ARFGEF2: variants seen among roughly 807,000 people sequenced by gnomAD.
ARFGEF2 encodes the protein ARF guanine nucleotide exchange factor 2.
ARFGEF2 carries 74 observed loss-of-function variants against 219.9 expected under a neutral mutation model. The ratio of observed to expected loss-of-function variants is 0.34; its 90% confidence interval spans 0.28 to 0.41. ARFGEF2 has a LOEUF of 0.41. Ranked by LOEUF, ARFGEF2 falls within the 10% of genes least tolerant of loss-of-function variation. ARFGEF2 has a pLI of 1.00. For missense variants in ARFGEF2, 1,743 were observed against 2,218.3 expected, an observed-to-expected ratio of 0.79 and a Z score of 4.30; for synonymous variants, 733 against 799.2, an observed-to-expected ratio of 0.92 and a Z score of 1.40.
In ARFGEF2 at chr20:48,963,773, CCTTT is replaced by C. The variant is rs1004023961; in HGVS notation, c.839-56_839-53del. On this transcript the variant is annotated intron_variant, in intron 6 of 38. Coordinates refer to ENST00000371917, the MANE Select transcript of ARFGEF2 (RefSeq NM_006420.3). ...CCCCATAATCTCCTTTTCCTCTCTTCCTTTGTTTTTCCTGAAAATGCCCACGTGT... is the reference window on the plus strand; with the variant it reads ...CCCCATAATCTCCTTTTCCTCTCTTCGTTTTTCCTGAAAATGCCCACGTGT... 5.0e-5 allele frequency: 78 copies of C among 1,548,210 alleles called. No individual in the cohort carries two copies. The African/African-American group carries it at 7.9e-4, about 16-fold the overall frequency.
chr20:48,984,292 A>G (rs1178586027), intron 14 of ARFGEF2, among the ~76,000 whole-genome samples: 2 of 152,210 alleles, frequency 1.3e-5, no homozygotes, highest in Admixed American at 6.5e-5. Flanking sequence ...GAGGAGGGAA[A>G]GAACAAAAAG....
At chr20:48,922,158 G>GGA in intron 1 of ARFGEF2, 148 bp downstream of exon 1, 1 of 1,322,100 alleles carries the variant, frequency 7.6e-7, no homozygotes, top group Non-Finnish European at 1.0e-6. Flanking sequence ...TTATACCCCC[G>GGA]GAGGAAGTGT....
chr20:48,942,074 G>A, intron 3 of ARFGEF2, 87 bp downstream of exon 3: 1 of 1,544,226 alleles, frequency 6.5e-7, no homozygotes, highest in South Asian at 1.1e-5. Context: ...GGACCACGCT[G>A]GCACTCAGTG....
chr20:48,934,365 T>C (rs142350923), intron 1 of ARFGEF2, among the ~76,000 whole-genome samples: 74 of 152,286 alleles, frequency 4.9e-4, no homozygotes, highest in African/African-American at 1.3e-3. Flanking sequence ...TTTTAACTTC[T>C]GGGATACATG....
At chr20:48,945,202 G>A (rs2091018292) in intron 3 of ARFGEF2, among the ~76,000 whole-genome samples, 1 of 152,072 alleles carries the variant, frequency 6.6e-6, no homozygotes. Context: ...CAGGCTTAAG[G>A]CTTCAACATA....
At chr20:48,949,507 C>T (rs1568698261) in intron 3 of ARFGEF2, among the ~76,000 whole-genome samples, 1 of 152,208 alleles carries the variant, frequency 6.6e-6, no homozygotes, top group Non-Finnish European at 1.5e-5. Flanking sequence ...GGCCACACCC[C>T]TCACCTGGAG....
intron 38 of ARFGEF2, 23 bp from the exon 39 acceptor site, chr20:49,033,000 A>G (rs2091645845): frequency 6.2e-7 from 1 of 1,610,286 alleles, no homozygotes; most frequent in Non-Finnish European, 8.5e-7. Context: ...GTCTAATTTT[A>G]TCTGTTTCTC....
chr20:48,977,047 A>C (rs925845476), intron 14 of ARFGEF2, among the ~76,000 whole-genome samples: 2 of 151,730 alleles, frequency 1.3e-5, no homozygotes, highest in Non-Finnish European at 2.9e-5. Flanking sequence ...TTACATAGGT[A>C]TACATGTGCC....
At chr20:48,996,741 TAAA>T (rs57732705) in intron 23 of ARFGEF2, among the ~76,000 whole-genome samples, 42,508 of 107,478 alleles carry the variant, frequency 0.4, 6,677 homozygotes, top group East Asian at 0.52. Flanking sequence ...AGACTCCGTC[TAAA>T]AAAAAAAAAA....
intron 23 of ARFGEF2, among the ~76,000 whole-genome samples, chr20:48,997,462 A>G (rs7264746): frequency 0.017 from 2,650 of 152,228 alleles, 73 homozygotes; most frequent in African/African-American, 0.059. Context: ...TAGTAGAGAC[A>G]GGGTTTCACC....
At chr20:48,935,732 C>T (rs2090945309) in intron 1 of ARFGEF2, among the ~76,000 whole-genome samples, 2 of 149,612 alleles carry the variant, frequency 1.3e-5, no homozygotes, top group South Asian at 2.1e-4. Context: ...GCTGACACCC[C>T]CACCTCCCTC....
In ARFGEF2 at chr20:49,001,298, C is replaced by G. The variant is rs139875770; in HGVS notation, c.3432+2793C>G. Reference sequence around the variant, plus strand: ...CGGGTGATCTGCTCGCCTCAGCCTCCGAAAGTGTTGCGATTACAGGCATGA... The same window carrying G: ...CGGGTGATCTGCTCGCCTCAGCCTCGGAAAGTGTTGCGATTACAGGCATGA... On this transcript the variant is annotated intron_variant, in intron 25 of 38. Transcript: ENST00000371917. Among the ~76,000 whole-genome samples, 786 of 152,152 alleles carry G rather than the reference C, an allele frequency of 5.2e-3. 3 individuals carry two copies. Among genetic ancestry groups the G allele is most frequent in the Non-Finnish European group, 8.9e-3 (602 of 68,014 alleles).
Position 48,936,386 on chromosome 20 carries a change from G to A in ARFGEF2, c.122-4813G>A, listed in dbSNP as rs1314636188. Among the ~76,000 whole-genome samples the A allele has an allele frequency of 6.3e-4, 96 of 151,688 alleles. 1 individual carries two copies. The highest frequency in any genetic ancestry group is 2.3e-3 in the African/African-American group (94 of 41,374). On this transcript the variant is annotated intron_variant, in intron 1 of 38. Coordinates refer to ENST00000371917, the MANE Select transcript of ARFGEF2 (RefSeq NM_006420.3). ...CTCCCTCCCGGACGAGGTGGCTGCC[G>A]GGTGGAGATGCTCCTCACTTCCCAG...
intron 1 of ARFGEF2, among the ~76,000 whole-genome samples, chr20:48,938,523 TGGGA>T (rs1268312933): frequency 6.6e-6 from 1 of 152,240 alleles, no homozygotes; most frequent in Non-Finnish European, 1.5e-5. Flanking sequence ...TCAGGGTAGC[TGGGA>T]TATCCATCAC....
chr20:48,988,709 G>A, intron 18 of ARFGEF2, 47 bp downstream of exon 18: 1 of 1,544,732 alleles, frequency 6.5e-7, no homozygotes, highest in Non-Finnish European at 8.9e-7. Context: ...ATTTTTTAGT[G>A]TATCAGAATG....
At chr20:49,010,189 T>C in intron 26 of ARFGEF2, 43 bp from the exon 27 acceptor site, 2 of 1,595,088 alleles carry the variant, frequency 1.3e-6, no homozygotes, top group African/African-American at 1.3e-5. Context: ...CTCTTCCCAT[T>C]CTCCAAAGTA....
Position 49,005,117 on chromosome 20 carries a change from A to T in ARFGEF2, c.3480A>T (p.Ser1160=). The T allele has an allele frequency of 6.2e-7, 1 of 1,614,222 alleles. No homozygotes were observed. Among genetic ancestry groups the T allele is most frequent in the Non-Finnish European group, 8.5e-7 (1 of 1,180,036 alleles). Residue 1160 remains serine, a synonymous_variant, in exon 26 of 39, where the codon TCA becomes TCT. Coordinates refer to ENST00000371917, the MANE Select transcript of ARFGEF2 (RefSeq NM_006420.3). The stretch of plus-strand genomic sequence containing the variant: ...ATGTGGCTATCTTTGCTGTTGACTC[A>T]TTAAGGCAACTCTCCATGAAGTTTC... ...NEDVAIFAVD[S]LRQLSMKFLE... is the part of the protein sequence containing the mutation.
intron 1 of ARFGEF2, among the ~76,000 whole-genome samples, chr20:48,934,526 C>G (rs578105626): frequency 1.3e-5 from 2 of 152,202 alleles, no homozygotes; most frequent in South Asian, 4.1e-4. Flanking sequence ...CTCAACAGGC[C>G]CTGGTGTGTG....
At chr20:48,977,677 T>TGTGA (rs1038736608) in intron 14 of ARFGEF2, among the ~76,000 whole-genome samples, 3 of 152,354 alleles carry the variant, frequency 2.0e-5, no homozygotes, top group Non-Finnish European at 4.4e-5. Flanking sequence ...TTCTAACTGG[T>TGTGA]GTGAGATGGT....
Sources: allele counts gnomAD v4.1 joint callset (sites outside exome capture counted in the v4.1 genomes callset), GRCh38; gene constraint gnomAD v4.1.1; transcripts MANE v1.5; gene names NCBI Gene and HGNC (gene_info 2026-07-23, HGNC 2026-07-21).